FAM83F: variants seen among roughly 807,000 people sequenced by gnomAD.
FAM83F encodes protein FAM83F.
Under a neutral mutation model 42.9 loss-of-function variants are expected in FAM83F, and 45 were observed. That is an observed-to-expected ratio of 1.05 (90% CI 0.83 to 1.35). FAM83F has a LOEUF of 1.35. Ranked by LOEUF, FAM83F falls within the 40% of genes most tolerant of loss-of-function variation. FAM83F has a pLI of 0.00. For synonymous variants in FAM83F, 306 were observed against 298.3 expected (o/e 1.03, Z -0.27); for missense variants, 617 against 695.9 (o/e 0.89, Z 1.28).
intron 1 of FAM83F, among the ~76,000 whole-genome samples, chr22:39,998,197 A>G (rs1286663926): frequency 2.0e-5 from 3 of 152,072 alleles, no homozygotes; most frequent in Non-Finnish European, 4.4e-5. Context: ...GTTTCTAGTG[A>G]GAGTCTGGCT....
chr22:40,002,442 T>C (rs1411127035), intron 1 of FAM83F, among the ~76,000 whole-genome samples: 2 of 152,150 alleles, frequency 1.3e-5, no homozygotes, highest in Non-Finnish European at 2.9e-5. Context: ...GATGGGTGTT[T>C]CCCAGAAAGT....
In FAM83F at chr22:40,037,257, A is replaced by AGCTACTC. The variant is rs2067630248; in HGVS notation, c.*7694_*7700dup. The AGCTACTC allele has an allele frequency of 6.6e-6, 1 of 152,286 alleles. No homozygotes were observed. The highest frequency in any genetic ancestry group is 2.1e-4 in the South Asian group (1 of 4,834). 9.4% of individuals were successfully genotyped at this position (152,286 alleles called of 1,614,324 possible). ...TGTGGTGGCACATGCCTGTAATCCC[A>AGCTACTC]GCTACTCGGGAGGCTGAGGCGTAGG... On this transcript the variant is annotated 3_prime_UTR_variant, in exon 5 of 5. Coordinates refer to ENST00000333407, the MANE Select transcript of FAM83F (RefSeq NM_138435.4).
At chr22:40,012,497 C>T (rs533052866) in intron 1 of FAM83F, among the ~76,000 whole-genome samples, 9 of 151,734 alleles carry the variant, frequency 5.9e-5, no homozygotes, top group South Asian at 4.2e-4. Flanking sequence ...TTGCCTGGTG[C>T]GGTGGTTCAT....
At chr22:40,005,188 A>G (rs1464552488) in intron 1 of FAM83F, among the ~76,000 whole-genome samples, 1 of 152,220 alleles carries the variant, frequency 6.6e-6, no homozygotes, top group Non-Finnish European at 1.5e-5. Flanking sequence ...TGATAGATCA[A>G]TCAAGAAATA....
intron 1 of FAM83F, among the ~76,000 whole-genome samples, chr22:40,001,802 G>C (rs924843698): frequency 1.3e-5 from 2 of 152,164 alleles, no homozygotes; most frequent in African/African-American, 4.8e-5. Context: ...TTGCAGAGCA[G>C]AGGAGGGAAG....
At chr22:40,001,385 C>T (rs1260888510) in intron 1 of FAM83F, among the ~76,000 whole-genome samples, 1 of 152,092 alleles carries the variant, frequency 6.6e-6, no homozygotes, top group African/African-American at 2.4e-5. Flanking sequence ...CGGCTCATGT[C>T]CCCAGCACTT....
rs569808211 is a variant in FAM83F at position 40,032,140 on chromosome 22, C to G, written c.*2575C>G. 2 of 152,410 alleles carry G rather than the reference C, an allele frequency of 1.3e-5. No individual in the cohort carries two copies. The highest frequency in any genetic ancestry group is 1.9e-4 in the East Asian group (1 of 5,210). 9.4% of individuals were successfully genotyped at this position (152,410 alleles called of 1,614,324 possible). On this transcript the variant is annotated 3_prime_UTR_variant, in exon 5 of 5. Transcript: ENST00000333407. The stretch of plus-strand genomic sequence containing the variant: ...GAGGAACAGGATAAGGCAGCACTCT[C>G]GGGGCTGGGGTCTGGCTTCACTGCA...
Position 39,995,348 on chromosome 22 carries a change from C to T in FAM83F, c.306C>T (p.Gly102=), listed in dbSNP as rs918263276. 31 of 1,541,750 alleles carry T rather than the reference C, an allele frequency of 2.0e-5. No individual in the cohort carries two copies. Among genetic ancestry groups the T allele is most frequent in the Non-Finnish European group, 2.4e-5 (28 of 1,146,212 alleles). Residue 102 remains glycine, a synonymous_variant, in exon 1 of 5, where the codon GGC becomes GGT. Coordinates refer to ENST00000333407, the MANE Select transcript of FAM83F (RefSeq NM_138435.4). This position sits in a 1 kb window ranked among gnomAD's most constrained non-coding sequence, Gnocchi z 4.6. ...CCGCGCCGGCGCCGGCTGAGTCCGG[C>T]GAGTCCCTGGCCTACTGGCCCGACC... is the stretch of plus-strand genomic sequence containing the variant. ...KAPAPAPAES[G]ESLAYWPDRS...
In FAM83F at chr22:40,004,098, T is replaced by C. The variant is rs2067415602; in HGVS notation, c.489+8567T>C. On this transcript the variant is annotated intron_variant, in intron 1 of 4. Transcript: ENST00000333407. ...TCACCATGTTTCACTGAGACCCAACTATGTGCCAGGAACCAGAAATTTACA... is the reference window on the plus strand; with the variant it reads ...TCACCATGTTTCACTGAGACCCAACCATGTGCCAGGAACCAGAAATTTACA... Among the ~76,000 whole-genome samples, 3 of 151,880 alleles carry C rather than the reference T, an allele frequency of 2.0e-5. No homozygotes were observed. In the South Asian group the frequency reaches 6.2e-4, roughly 32 times the overall value.
chr22:39,998,682 T>G (rs1437568967), intron 1 of FAM83F: 1 of 152,102 alleles, frequency 6.6e-6, no homozygotes, highest in Non-Finnish European at 1.5e-5. Context: ...TGTTTACTTG[T>G]GGGGCGGGGT....
intron 1 of FAM83F, among the ~76,000 whole-genome samples, chr22:40,013,075 T>A: frequency 1.9e-5 from 2 of 103,374 alleles, no homozygotes; most frequent in East Asian, 3.3e-4. Flanking sequence ...AGAGCGAGAC[T>A]CCGTTTCAAA....
chr22:39,997,607 T>A (rs1393379960), intron 1 of FAM83F, among the ~76,000 whole-genome samples: 3 of 152,148 alleles, frequency 2.0e-5, no homozygotes, highest in Non-Finnish European at 4.4e-5. Context: ...GAAGGCTTCC[T>A]GAGGGAGGTG....
chr22:40,038,752 C>T lies in FAM83F; in HGVS notation c.*9187C>T, dbSNP rs181769505. ...AGGGGGCATCATAGGCAGCAGAAACCACATGGACAAACTCTCTGCCGGAGA... is the reference window on the plus strand; with the variant it reads ...AGGGGGCATCATAGGCAGCAGAAACTACATGGACAAACTCTCTGCCGGAGA... On this transcript the variant is annotated 3_prime_UTR_variant, in exon 5 of 5. Coordinates refer to ENST00000333407, the MANE Select transcript of FAM83F (RefSeq NM_138435.4). 242 of 159,298 alleles carry T rather than the reference C, an allele frequency of 1.5e-3. 1 individual carries two copies. The highest frequency in any genetic ancestry group is 5.5e-3 in the African/African-American group (233 of 42,104). 9.9% of individuals were successfully genotyped at this position (159,298 alleles called of 1,614,324 possible).
At position 40,030,142 on chromosome 22, in the gene FAM83F, G is replaced by A. The variant is rs2067578155; in HGVS notation, c.*577G>A. ...CAGTGGCCTTCCTGGCCCCATCCCTGCAGGCTCCTGAACTAGACTTGAATG... is the reference window on the plus strand; with the variant it reads ...CAGTGGCCTTCCTGGCCCCATCCCTACAGGCTCCTGAACTAGACTTGAATG... On this transcript the variant is annotated 3_prime_UTR_variant, in exon 5 of 5. Transcript: ENST00000333407. 6.5e-6 allele frequency: 1 copy of A among 154,118 alleles called. No homozygotes were observed. Among genetic ancestry groups the A allele is most frequent in the Non-Finnish European group, 1.4e-5 (1 of 69,198 alleles). The allele number at this position is 154,118 out of a possible 1,614,324, so 9.5% of individuals were successfully genotyped here.
At chr22:40,020,150 C>T in intron 3 of FAM83F, 142 bp downstream of exon 3, 1 of 1,233,292 alleles carries the variant, frequency 8.1e-7, no homozygotes. Flanking sequence ...GCTTTCTGCC[C>T]AGTCCCTTCC....
At chr22:39,999,590 C>T (rs2067388150) in intron 1 of FAM83F, among the ~76,000 whole-genome samples, 1 of 152,182 alleles carries the variant, frequency 6.6e-6, no homozygotes, top group Non-Finnish European at 1.5e-5. Flanking sequence ...CTCTGAGCTC[C>T]AAAAGGGTGA....
chr22:40,019,300 T>A lies in FAM83F; in HGVS notation c.622T>A (p.Cys208Ser). ...AGGAGTGAAGTATTTCCTGGAGATGTGTCAGGACCTGCAGCTCACTGACTT... is the reference window on the plus strand; with the variant it reads ...AGGAGTGAAGTATTTCCTGGAGATGAGTCAGGACCTGCAGCTCACTGACTT... Reference protein sequence around the residue: ...EAGVKYFLEMCQDLQLTDFRI... With the variant: ...EAGVKYFLEMSQDLQLTDFRI... The change falls in exon 2 of 5, where the codon TGT becomes AGT. Residue 208 changes from cysteine (C) to serine (S), a missense_variant. Transcript: ENST00000333407. The A allele has an allele frequency of 9.3e-6, 15 of 1,614,146 alleles. No homozygotes were observed. The highest frequency in any genetic ancestry group is 1.3e-5 in the Non-Finnish European group (15 of 1,180,002).
chr22:40,022,404 C>T (rs1182582789), intron 4 of FAM83F, among the ~76,000 whole-genome samples: 2 of 152,158 alleles, frequency 1.3e-5, no homozygotes, highest in Admixed American at 1.3e-4. Flanking sequence ...GTTGAGGGCT[C>T]TTTCTAGCAA....
chr22:40,021,289 G>A lies in FAM83F; in HGVS notation c.780-1G>A. 1 of 1,535,342 alleles carries A rather than the reference G, an allele frequency of 6.5e-7. No homozygotes were observed. Among genetic ancestry groups the A allele is most frequent in the East Asian group, 2.3e-5 (1 of 43,834 alleles). On this transcript the variant is annotated splice_acceptor_variant, in intron 3 of 4. Coordinates refer to ENST00000333407, the MANE Select transcript of FAM83F (RefSeq NM_138435.4). LOFTEE classifies it high-confidence loss of function. This position sits in a 1 kb window ranked among gnomAD's most constrained non-coding sequence, Gnocchi z 8.7. ...TTGCTTTTCTGTCCCCACGTTCCCA[G>A]GTTCACCTGGAGTTCCTCCCATGTG...
Sources: gnomAD v4.1 joint callset for allele counts (sites outside exome capture counted in the v4.1 genomes callset) on GRCh38, gnomAD v4.1.1 for gene constraint, Gnocchi (gnomAD v3.1) non-coding constraint, MANE v1.5 for transcripts, NCBI Gene and HGNC (gene_info 2026-07-23, HGNC 2026-07-21) for gene names.